Variants in SLC7A8 observed in about 807,000 individuals in gnomAD.
SLC7A8 encodes solute carrier family 7 member 8.
SLC7A8 carries 30 observed loss-of-function variants against 51.2 expected under a neutral mutation model. The observed-to-expected ratio is 0.59, with a 90% confidence interval of 0.44 to 0.80. The LOEUF (loss-of-function observed/expected upper bound fraction) is 0.80, where lower values mean the gene tolerates loss of function less well. Among genes scored for constraint, SLC7A8 ranks in the 30% least tolerant of loss-of-function variants. The pLI, the probability that SLC7A8 is intolerant of heterozygous loss-of-function variation, is 0.00. For synonymous variants in SLC7A8, 257 were observed against 275.8 expected, an observed-to-expected ratio of 0.93 and a Z score of 0.67; for missense variants, 612 against 674.4, an observed-to-expected ratio of 0.91 and a Z score of 1.03.
chr14:23,178,575 C>T (rs1317512011), intron 1 of SLC7A8, among the ~76,000 whole-genome samples: 2 of 149,100 alleles, frequency 1.3e-5, no homozygotes, highest in Non-Finnish European at 3.0e-5. Flanking sequence ...TTCTGTTAAA[C>T]ACTAAAGATT....
intron 3 of SLC7A8, among the ~76,000 whole-genome samples, chr14:23,154,860 G>A (rs2048878430): frequency 6.6e-6 from 1 of 151,624 alleles, no homozygotes; most frequent in Non-Finnish European, 1.5e-5. Context: ...CGGGTGAGGG[G>A]CCCACATTAT....
chr14:23,135,499 A>G (rs904491350), intron 7 of SLC7A8, among the ~76,000 whole-genome samples: 5 of 151,272 alleles, frequency 3.3e-5, no homozygotes, highest in South Asian at 2.1e-4. Context: ...TCAGGAGATC[A>G]AGACCGTCCT....
At chr14:23,143,746 T>C (rs1032573622) in intron 3 of SLC7A8, among the ~76,000 whole-genome samples, 1 of 152,266 alleles carries the variant, frequency 6.6e-6, no homozygotes, top group African/African-American at 2.4e-5. Flanking sequence ...GCACTTCATA[T>C]ATAGAACATT....
Position 23,140,608 on chromosome 14 carries a change from C to T in SLC7A8, c.651G>A (p.Leu217=), listed in dbSNP as rs757132125. 7.4e-6 allele frequency: 12 copies of T among 1,613,980 alleles called. No homozygotes were observed. The highest frequency in any genetic ancestry group is 1.7e-6 in the Non-Finnish European group (2 of 1,179,884). ...VQICKGEYFW[L]EPKNAFENFQ... is the part of the protein sequence containing the mutation. Reference sequence around the variant, plus strand: ...AATTCTCAAATGCATTCTTTGGCTCCAGCCAGAAGTACTCTCCTGTGGACA... The same window carrying T: ...AATTCTCAAATGCATTCTTTGGCTCTAGCCAGAAGTACTCTCCTGTGGACA... Residue 217 remains leucine, a synonymous_variant, in exon 5 of 11, where the codon CTG becomes CTA. Coordinates refer to ENST00000316902, the MANE Select transcript of SLC7A8 (RefSeq NM_012244.4).
At chr14:23,158,484 T>TA in intron 3 of SLC7A8, among the ~76,000 whole-genome samples, 1 of 152,178 alleles carries the variant, frequency 6.6e-6, no homozygotes, top group East Asian at 1.9e-4. Flanking sequence ...CAGCTGGGAC[T>TA]ACAGGCCCCC....
At chr14:23,155,452 T>G in intron 3 of SLC7A8, 1 of 1,432,236 alleles carries the variant, frequency 7.0e-7, no homozygotes, top group South Asian at 1.5e-5. Flanking sequence ...TTCTGCTGAA[T>G]CACCACCCAG....
At chr14:23,155,251 C>T in intron 3 of SLC7A8, 1 of 1,536,122 alleles carries the variant, frequency 6.5e-7, no homozygotes. Flanking sequence ...CAAGGACACA[C>T]CAGCAGAGGA....
Position 23,180,193 on chromosome 14 carries a change from A to G in SLC7A8, c.151+2571T>C, listed in dbSNP as rs547614918. On this transcript the variant is annotated intron_variant, in intron 1 of 10. Transcript: ENST00000316902. Reference sequence around the variant, plus strand: ...AGTGCTGGGATTACAGGTGTGAGCCACCGCACCCGGCCCTTTTTTTGCCTT... The same window carrying G: ...AGTGCTGGGATTACAGGTGTGAGCCGCCGCACCCGGCCCTTTTTTTGCCTT... Among the ~76,000 whole-genome samples the G allele has an allele frequency of 9.8e-5, 15 of 152,316 alleles. No homozygotes were observed. In the East Asian group the frequency reaches 1.4e-3, roughly 14 times the overall value.
chr14:23,134,517 T>C (rs914684888), intron 7 of SLC7A8, among the ~76,000 whole-genome samples: 2 of 151,002 alleles, frequency 1.3e-5, no homozygotes, highest in Non-Finnish European at 3.0e-5. Context: ...GGAATATTTA[T>C]AATCAGAATA....
Position 23,182,984 on chromosome 14 carries a change from G to A in SLC7A8, c.-70C>T. ...AATGCGTATTCGTGTAAATATATTG[G>A]GAGAGAGCTTTGAATTAGAACGTCC... On this transcript the variant is annotated 5_prime_UTR_variant, in exon 1 of 11. Transcript: ENST00000316902. The A allele has an allele frequency of 6.3e-7, 1 of 1,598,326 alleles. No homozygotes were observed. The highest frequency in any genetic ancestry group is 8.6e-7 in the Non-Finnish European group (1 of 1,168,406).
At chr14:23,160,550 G>A (rs1052302424) in intron 3 of SLC7A8, among the ~76,000 whole-genome samples, 9 of 141,516 alleles carry the variant, frequency 6.4e-5, no homozygotes, top group Non-Finnish European at 1.4e-4. Flanking sequence ...CAGCCTGGGT[G>A]ACGGAGGGAG....
At chr14:23,132,294 G>A (rs921456705) in intron 7 of SLC7A8, among the ~76,000 whole-genome samples, 3 of 151,982 alleles carry the variant, frequency 2.0e-5, no homozygotes, top group South Asian at 2.1e-4. Context: ...GAGCCACCGC[G>A]CCTGGCCTAA....
In SLC7A8 at chr14:23,161,274, C is replaced by T. The variant is rs1242635312; in HGVS notation, c.508+4011G>A. 2.0e-5 allele frequency among the ~76,000 whole-genome samples: 3 copies of T among 152,138 alleles called. No individual in the cohort carries two copies. In the East Asian group the frequency reaches 5.8e-4, roughly 30 times the overall value. On this transcript the variant is annotated intron_variant, in intron 3 of 10. Coordinates refer to ENST00000316902, the MANE Select transcript of SLC7A8 (RefSeq NM_012244.4). ...GGAACCAGACTTGGCCTCATCTCCT[C>T]CCTCCCCCAGCAAACCCTCGCCACG... is the stretch of plus-strand genomic sequence containing the variant.
chr14:23,148,982 C>T (rs1422549303), intron 3 of SLC7A8, among the ~76,000 whole-genome samples: 1 of 152,206 alleles, frequency 6.6e-6, no homozygotes, highest in East Asian at 1.9e-4. Context: ...AGCTTTTAAA[C>T]AGCAGCCAGG....
intron 1 of SLC7A8, among the ~76,000 whole-genome samples, chr14:23,171,509 G>T (rs1220113648): frequency 6.6e-6 from 1 of 152,196 alleles, no homozygotes; most frequent in African/African-American, 2.4e-5. Context: ...AGCCATCAAA[G>T]AATTTCCTAA....
At chr14:23,152,980 G>T in intron 3 of SLC7A8, among the ~76,000 whole-genome samples, 1 of 152,210 alleles carries the variant, frequency 6.6e-6, no homozygotes, top group East Asian at 1.9e-4. Context: ...GAATGAACCA[G>T]TTGGGACTCT....
chr14:23,169,517 G>A lies in SLC7A8; in HGVS notation c.152-2977C>T, dbSNP rs146280633. On this transcript the variant is annotated intron_variant, in intron 1 of 10. Transcript: ENST00000316902. The stretch of plus-strand genomic sequence containing the variant: ...TGCCTCCCAGGTTCAAGTGATTCTC[G>A]TGCCTCAACCTCCCCAGTAGCTGGG... Among the ~76,000 whole-genome samples the A allele has an allele frequency of 6.2e-3, 941 of 152,116 alleles. 13 individuals are homozygous for A. The highest frequency in any genetic ancestry group is 0.021 in the African/African-American group (886 of 41,500).
At chr14:23,156,844 A>G (rs546208584) in intron 3 of SLC7A8, among the ~76,000 whole-genome samples, 63 of 152,346 alleles carry the variant, frequency 4.1e-4, no homozygotes, top group African/African-American at 1.4e-3. Context: ...GTGTGGGCAC[A>G]CACACTCTCT....
At chr14:23,150,559 C>A (rs1424621891) in intron 3 of SLC7A8, among the ~76,000 whole-genome samples, 1 of 152,260 alleles carries the variant, frequency 6.6e-6, no homozygotes, top group Non-Finnish European at 1.5e-5. Flanking sequence ...CCTCTCTGAG[C>A]CTCCCTTTTC....
Sources: gnomAD v4.1 joint callset for allele counts (sites outside exome capture counted in the v4.1 genomes callset) on GRCh38, gnomAD v4.1.1 for gene constraint, MANE v1.5 for transcripts, NCBI Gene and HGNC (gene_info 2026-07-23, HGNC 2026-07-21) for gene names.